The following MYO5C variants were observed in gnomAD, a reference collection of about 807,000 sequenced individuals.
MYO5C encodes unconventional myosin-Vc.
MYO5C carries 194 observed loss-of-function variants against 235.7 expected under a neutral mutation model. The observed-to-expected ratio is 0.82, with a 90% CI of 0.73 to 0.93. MYO5C has a LOEUF of 0.93. Among genes scored for constraint, MYO5C ranks in the 40% least tolerant of loss-of-function variants. The pLI is 0.00. For missense variants in MYO5C, 2,038 were observed against 2,127.2 expected (o/e 0.96, Z 0.82); for synonymous variants, 707 against 754.8 (o/e 0.94, Z 1.04).
At chr15:52,223,296 CACTT>C (rs2035742216) in intron 29 of MYO5C, among the ~76,000 whole-genome samples, 1 of 152,144 alleles carries the variant, frequency 6.6e-6, no homozygotes, top group Admixed American at 6.5e-5. Context: ...AAAACATACA[CACTT>C]ACGCGCACAC....
intron 24 of MYO5C, 93 bp downstream of exon 24, chr15:52,232,529 A>G (rs372113346): frequency 3.3e-6 from 4 of 1,197,790 alleles, no homozygotes; most frequent in Non-Finnish European, 3.7e-6. Flanking sequence ...ACTTTCTTGT[A>G]TCTGTGTCTG....
intron 1 of MYO5C, 82 bp downstream of exon 1, chr15:52,295,528 G>A: frequency 1.4e-6 from 2 of 1,461,460 alleles, no homozygotes; most frequent in Non-Finnish European, 1.8e-6. Context: ...TGTGGCAGGT[G>A]TGGCCCGGGC....
chr15:52,194,009 T>G lies in MYO5C; in HGVS notation c.5122A>C (p.Thr1708Pro), dbSNP rs1469393016. 2.5e-6 allele frequency: 4 copies of G among 1,613,692 alleles called. No homozygotes were observed. In the East Asian group the frequency reaches 8.9e-5, roughly 36 times the overall value. ...REDSSQLMLDTKYLFQVTFPF... is the reference protein window; with the variant it reads ...REDSSQLMLDPKYLFQVTFPF... The stretch of plus-strand genomic sequence containing the variant: ...AATGTGACTTGAAAGAGATATTTGG[T>G]ATCCAACATCAGCTGTGATGAATCC... Residue 1708 changes from threonine (T) to proline (P), a missense_variant, in exon 41 of 41, where the codon ACC becomes CCC. By Grantham distance (38) the Thr-to-Pro change is conservative. Transcript: ENST00000261839.
chr15:52,293,561 C>G (rs565599119), intron 1 of MYO5C, among the ~76,000 whole-genome samples: 13 of 152,218 alleles, frequency 8.5e-5, no homozygotes, highest in Admixed American at 8.5e-4. Context: ...ATCCTTAATT[C>G]ACTCAAGGGC....
intron 20 of MYO5C, among the ~76,000 whole-genome samples, chr15:52,241,250 CTTTTTTTTTTTTTT>C (rs71130143): frequency 6.7e-5 from 4 of 59,622 alleles, no homozygotes; most frequent in African/African-American, 2.8e-4. Flanking sequence ...GTGGGCTAAT[CTTTTTTTTTTTTTT>C]TTTTTTTTTT....
In MYO5C at chr15:52,211,751, A is replaced by G. The variant is rs760981280; in HGVS notation, c.4275T>C (p.Asn1425=). Residue 1425 remains asparagine, a synonymous_variant, in exon 35 of 41, where the codon AAT becomes AAC. Coordinates refer to ENST00000261839, the MANE Select transcript of MYO5C (RefSeq NM_018728.4). The part of the protein sequence containing the change: ...MLKSLMNSTI[N]GIKQVVKEHL... The stretch of plus-strand genomic sequence containing the variant: ...CTACCTTAACCACCTGCTTGATGCC[A>G]TTAATGGTGCTGTTCATGAGGGACT... The G allele has an allele frequency of 3.7e-6, 6 of 1,614,010 alleles. No individual in the cohort carries two copies. In the South Asian group the frequency reaches 4.4e-5, roughly 12 times the overall value.
chr15:52,222,831 C>G (rs532246228), intron 29 of MYO5C, among the ~76,000 whole-genome samples: 1 of 152,192 alleles, frequency 6.6e-6, no homozygotes, highest in African/African-American at 2.4e-5. Flanking sequence ...AATGCAGTGG[C>G]TAGGAATGCA....
intron 38 of MYO5C, among the ~76,000 whole-genome samples, chr15:52,199,981 T>C (rs1298809900): frequency 6.6e-6 from 1 of 152,190 alleles, no homozygotes; most frequent in Non-Finnish European, 1.5e-5. Context: ...GGAAAAGCAG[T>C]TTGTTAAGTT....
intron 1 of MYO5C, among the ~76,000 whole-genome samples, chr15:52,290,840 G>C (rs901068124): frequency 6.6e-6 from 1 of 152,040 alleles, no homozygotes; most frequent in African/African-American, 2.4e-5. Context: ...AAATTTTATA[G>C]GGATAAATGT....
intron 30 of MYO5C, among the ~76,000 whole-genome samples, chr15:52,220,318 A>C (rs1051282241): frequency 6.6e-6 from 1 of 152,154 alleles, no homozygotes; most frequent in African/African-American, 2.4e-5. Context: ...ACTGGGCAAC[A>C]ATCAGTGGAG....
At chr15:52,219,696 T>G (rs1443148098) in intron 31 of MYO5C, 63 bp downstream of exon 31, 2 of 1,310,010 alleles carry the variant, frequency 1.5e-6, no homozygotes, top group East Asian at 4.7e-5. Context: ...CTTGGTATAT[T>G]CTACAGTTTC....
chr15:52,278,115 A>C (rs190560061), intron 4 of MYO5C: 13 of 364,474 alleles, frequency 3.6e-5, no homozygotes, highest in African/African-American at 2.8e-4. Flanking sequence ...GTTCTTTTGC[A>C]AACTGTAAAG....
At chr15:52,284,018 G>T (rs897488257) in intron 1 of MYO5C, among the ~76,000 whole-genome samples, 1 of 152,100 alleles carries the variant, frequency 6.6e-6, no homozygotes, top group African/African-American at 2.4e-5. Context: ...CTGAGAGTTT[G>T]ATGTATTTTT....
chr15:52,251,540 A>C, intron 12 of MYO5C, 25 bp from the exon 13 acceptor site: 1 of 1,576,106 alleles, frequency 6.3e-7, no homozygotes. Context: ...TAAACCAAAT[A>C]GCAAGTAAGA....
At chr15:52,220,819 A>G (rs2035663831) in intron 30 of MYO5C, among the ~76,000 whole-genome samples, 3 of 142,668 alleles carry the variant, frequency 2.1e-5, no homozygotes, top group Admixed American at 2.1e-4. Flanking sequence ...GGCGAAACTC[A>G]GTCTCAAAAA....
At chr15:52,221,416 A>G (rs2035683261) in intron 29 of MYO5C, among the ~76,000 whole-genome samples, 161 bp from the exon 30 acceptor site, 1 of 152,140 alleles carries the variant, frequency 6.6e-6, no homozygotes, top group Non-Finnish European at 1.5e-5. Context: ...TTTTTTTTTA[A>G]CCTCAAAACC....
At chr15:52,235,429 A>G (rs567316108) in intron 23 of MYO5C, among the ~76,000 whole-genome samples, 2 of 152,332 alleles carry the variant, frequency 1.3e-5, no homozygotes, top group Admixed American at 6.5e-5. Context: ...CAAAGGGCCC[A>G]GGAGGTTCTG....
At position 52,205,078 on chromosome 15, in the gene MYO5C, C is replaced by G. The variant is rs771283105; in HGVS notation, c.4607G>C (p.Arg1536Pro). The change falls in exon 38 of 41, where the codon CGC becomes CCC. Residue 1536 changes from arginine (R) to proline (P), a missense_variant. Arg to Pro is a moderately radical substitution (Grantham distance 103). Coordinates refer to ENST00000261839, the MANE Select transcript of MYO5C (RefSeq NM_018728.4). ...GTCCGTGTCGTCTATGCTAGAGGAG[C>G]GCTTCCGGAAGCCTGTGGGCTTCAG... ...SGLKPTGFRK[R>P]SSSIDDTDGY... is the part of the protein sequence containing the mutation. The G allele has an allele frequency of 6.2e-7, 1 of 1,614,096 alleles. No homozygotes were observed. Among genetic ancestry groups the G allele is most frequent in the African/African-American group, 1.3e-5 (1 of 74,946 alleles).
At position 52,224,918 on chromosome 15, in the gene MYO5C, TC is replaced by T; in HGVS notation, c.3428del (p.Gly1143AspfsTer2). On this transcript the variant is annotated frameshift_variant, in exon 28 of 41. Coordinates refer to ENST00000261839, the MANE Select transcript of MYO5C (RefSeq NM_018728.4). LOFTEE classifies it high-confidence loss of function. Reference sequence around the variant, plus strand: ...TTTCTAACCGTGTTGCTTTCTTTAGTCCTTCATAAGCAAACCAAAGTTCTCC... The same window carrying T: ...TTTCTAACCGTGTTGCTTTCTTTAGTCTTCATAAGCAAACCAAAGTTCTCC... Reference protein sequence around the residue: ...EDGELWFAYEGLKKATRVLES... With the variant: ...EDGELWFAYEXLKKATRVLES... The T allele has an allele frequency of 1.2e-6, 2 of 1,613,696 alleles. No homozygotes were observed. Among genetic ancestry groups the T allele is most frequent in the Non-Finnish European group, 1.7e-6 (2 of 1,179,822 alleles).
Sources: gnomAD v4.1 joint callset for allele counts (sites outside exome capture counted in the v4.1 genomes callset) on GRCh38, gnomAD v4.1.1 for gene constraint, MANE v1.5 for transcripts, NCBI Gene and HGNC (gene_info 2026-07-23, HGNC 2026-07-21) for gene names.